ZNF749: variants seen among roughly 807,000 people sequenced by gnomAD.
The protein encoded by ZNF749 is zinc finger protein 749.
ZNF749 carries 8 observed loss-of-function variants against 7.3 expected under a neutral mutation model. The observed-to-expected ratio is 1.10, with a 90% CI of 0.64 to 1.98. The LOEUF is 1.98. Ranked by LOEUF, ZNF749 falls within the 30% of genes most tolerant of loss-of-function variation. The probability of loss-of-function intolerance (pLI) is 0.00; values close to 1 mark genes in which losing one functional copy is unlikely to be tolerated. For synonymous variants in ZNF749, 310 were observed against 322.4 expected, an observed-to-expected ratio of 0.96 and a Z score of 0.41; for missense variants, 898 against 932.4, an observed-to-expected ratio of 0.96 and a Z score of 0.48.
chr19:57,446,594 A>G lies in ZNF749; in HGVS notation c.*1109A>G, dbSNP rs1313024906. On this transcript the variant is annotated 3_prime_UTR_variant, in exon 3 of 3. Transcript: ENST00000334181. ...TATCCATGTTGTAGCATAGCTTATG[A>G]TTTTCATCTTTTTTAAAGGCCGAAT... Among the ~76,000 whole-genome samples, 1 of 152,088 alleles carries G rather than the reference A, an allele frequency of 6.6e-6. No homozygotes were observed. The highest frequency in any genetic ancestry group is 6.5e-5 in the Admixed American group (1 of 15,268).
At position 57,439,509 on chromosome 19, in the gene ZNF749, A is replaced by G. The variant is rs949908666; in HGVS notation, c.16-2376A>G. Among the ~76,000 whole-genome samples the G allele has an allele frequency of 6.6e-6, 1 of 152,146 alleles. No individual in the cohort carries two copies. The highest frequency in any genetic ancestry group is 1.5e-5 in the Non-Finnish European group (1 of 68,024). On this transcript the variant is annotated intron_variant, in intron 1 of 2. Coordinates refer to ENST00000334181, the MANE Select transcript of ZNF749 (RefSeq NM_001023561.4). This position sits in a 1 kb window ranked among gnomAD's most constrained non-coding sequence, Gnocchi z 4.3. ...TTCCAGTGGCCAGGCATGGTGGATC[A>G]CACCTGTAATCCCAGCACTTTGGGA...
rs748345739 is a variant in ZNF749 at position 57,442,054 on chromosome 19, G to GT, written c.142+50dup. 131 of 1,597,532 alleles carry GT rather than the reference G, an allele frequency of 8.2e-5. No individual in the cohort carries two copies. In the East Asian group the frequency reaches 1.4e-3, roughly 17 times the overall value. On this transcript the variant is annotated intron_variant, in intron 2 of 2. Coordinates refer to ENST00000334181, the MANE Select transcript of ZNF749 (RefSeq NM_001023561.4). The surrounding 1 kb of genome is among the most constrained non-coding windows in gnomAD (Gnocchi z 6.6). Reference sequence around the variant, plus strand: ...ACTCTGGTGTCTTGTGCTGGGTGCTGTTTTTTTGCTCTTTTCCATGACAAC... The same window carrying GT: ...ACTCTGGTGTCTTGTGCTGGGTGCTGTTTTTTTTGCTCTTTTCCATGACAAC...
rs1341149371 is a variant in ZNF749 at position 57,435,384 on chromosome 19, T to G, written c.-195T>G. 1.2e-5 allele frequency: 9 copies of G among 776,010 alleles called. No individual in the cohort carries two copies. Among genetic ancestry groups the G allele is most frequent in the Non-Finnish European group, 1.9e-5 (9 of 480,430 alleles). 48.1% of individuals were successfully genotyped at this position (776,010 alleles called of 1,614,324 possible). A position where few individuals can be genotyped will look rare whatever the true frequency, so the allele number is the denominator to read the frequency against. On this transcript the variant is annotated 5_prime_UTR_variant, in exon 1 of 3. Coordinates refer to ENST00000334181, the MANE Select transcript of ZNF749 (RefSeq NM_001023561.4). ...GGCTACCTAGGGATCTGTTCACTGATTTAGAGGGTCCCAGAGCTCTGGGTC... is the reference window on the plus strand; with the variant it reads ...GGCTACCTAGGGATCTGTTCACTGAGTTAGAGGGTCCCAGAGCTCTGGGTC...
intron 1 of ZNF749, 32 bp downstream of exon 1, chr19:57,435,625 A>C (rs371562832): frequency 2.8e-5 from 45 of 1,597,502 alleles, no homozygotes; most frequent in East Asian, 2.5e-4. Flanking sequence ...GCCCCGCCCA[A>C]CCCCTCCTCC....
Position 57,436,465 on chromosome 19 carries a change from C to T in ZNF749, c.15+872C>T, listed in dbSNP as rs183052235. Among the ~76,000 whole-genome samples the T allele has an allele frequency of 6.6e-6, 1 of 152,212 alleles. No individual in the cohort carries two copies. The highest frequency in any genetic ancestry group is 2.4e-5 in the African/African-American group (1 of 41,524). ...TGGTAGGGAGGGCATCTCTGATACT[C>T]CCTGCAGAAGGGAGCAGATATGGGC... On this transcript the variant is annotated intron_variant, in intron 1 of 2. Transcript: ENST00000334181. The surrounding 1 kb of genome is among the most constrained non-coding windows in gnomAD (Gnocchi z 4.0).
chr19:57,435,714 C>T (rs1310736052), intron 1 of ZNF749, 121 bp downstream of exon 1: 6 of 1,480,450 alleles, frequency 4.1e-6, no homozygotes, highest in South Asian at 1.3e-5. Context: ...GTGTGGGGTG[C>T]CCGGGACTGG....
upstream of ZNF749, among the ~76,000 whole-genome samples, chr19:57,431,992 T>C (rs1354354935): frequency 6.6e-6 from 1 of 152,056 alleles, no homozygotes; most frequent in Non-Finnish European, 1.5e-5. Context: ...TTTTGTATTT[T>C]TTAGTAAAGA....
At position 57,444,140 on chromosome 19, in the gene ZNF749, G is replaced by A. The variant is rs777465429; in HGVS notation, c.992G>A (p.Cys331Tyr). The change falls in exon 3 of 3, where the codon TGT becomes TAT. Residue 331 changes from cysteine to tyrosine, a missense_variant. Coordinates refer to ENST00000334181, the MANE Select transcript of ZNF749 (RefSeq NM_001023561.4). Reference protein sequence around the residue: ...TGEQPYECNKCGKFFMYNSKL... With the variant: ...TGEQPYECNKYGKFFMYNSKL... ...GAACAGCCCTATGAATGCAACAAGT[G>A]TGGGAAGTTTTTTATGTATAACTCC... The A allele has an allele frequency of 2.5e-5, 40 of 1,614,016 alleles. No individual in the cohort carries two copies. Among genetic ancestry groups the A allele is most frequent in the East Asian group, 1.3e-4 (6 of 44,846 alleles).
rs970435949 is a variant in ZNF749, at chr19:57,445,207, C to T, written c.2059C>T (p.His687Tyr). 1.2e-5 allele frequency: 20 copies of T among 1,613,928 alleles called. No homozygotes were observed. The highest frequency in any genetic ancestry group is 1.7e-5 in the Non-Finnish European group (20 of 1,179,964). ...LRYRSTFIKHHKVCTGEKPHE... is the reference protein window; with the variant it reads ...LRYRSTFIKHYKVCTGEKPHE... The stretch of plus-strand genomic sequence containing the variant: ...ATACCGCTCTACATTCATTAAACAT[C>T]ATAAAGTTTGCACTGGGGAGAAGCC... The change falls in exon 3 of 3, where the codon CAT (histidine) becomes TAT (tyrosine). Residue 687 changes from histidine (H) to tyrosine (Y), a missense_variant. By Grantham distance (83) the His-to-Tyr change is moderately conservative. Transcript: ENST00000334181.
chr19:57,435,661 C>A, intron 1 of ZNF749, 68 bp downstream of exon 1: 1 of 1,568,844 alleles, frequency 6.4e-7, no homozygotes, highest in Non-Finnish European at 8.6e-7. Context: ...AAGGAGCCGC[C>A]CTGCAGGTTA....
At chr19:57,435,661 C>T (rs996024959) in intron 1 of ZNF749, 68 bp downstream of exon 1, 2 of 1,568,726 alleles carry the variant, frequency 1.3e-6, no homozygotes, top group African/African-American at 2.7e-5. Context: ...AAGGAGCCGC[C>T]CTGCAGGTTA....
chr19:57,443,455 G>T lies in ZNF749; in HGVS notation c.307G>T (p.Asp103Tyr). The change falls in exon 3 of 3, where the codon GAT (aspartate) becomes TAT (tyrosine). Residue 103 changes from aspartate (D) to tyrosine (Y), a missense_variant. Transcript: ENST00000334181. The stretch of plus-strand genomic sequence containing the variant: ...GGACATTCTGCACCTGGCTGAGCAC[G>T]ATGGAACACACCCTGAGCAAGGGCT... ...LKDILHLAEH[D>Y]GTHPEQGLYT... 4 of 1,614,242 alleles carry T rather than the reference G, an allele frequency of 2.5e-6. No homozygotes were observed. Among genetic ancestry groups the T allele is most frequent in the Non-Finnish European group, 3.4e-6 (4 of 1,180,036 alleles).
At chr19:57,434,175 G>A (rs1438219805), upstream of ZNF749, among the ~76,000 whole-genome samples, 1 of 152,132 alleles carries the variant, frequency 6.6e-6, no homozygotes, top group Non-Finnish European at 1.5e-5. Flanking sequence ...TCGGCTCACC[G>A]TAACCTCCGC....
intron 1 of ZNF749, 105 bp from the exon 2 acceptor site, chr19:57,441,780 G>A: frequency 2.2e-6 from 3 of 1,373,694 alleles, no homozygotes; most frequent in South Asian, 1.2e-5. Flanking sequence ...AACATTGGCT[G>A]TTAGTTTGGC....
Position 57,439,766 on chromosome 19 carries a change from C to G in ZNF749, c.16-2119C>G, listed in dbSNP as rs1262705377. ...AGTAAGACAAACAAAAACAAAAATC[C>G]AAGCCAAAACAAAAACAAAAATACA... is the stretch of plus-strand genomic sequence containing the variant. On this transcript the variant is annotated intron_variant, in intron 1 of 2. Transcript: ENST00000334181. The surrounding 1 kb of genome is among the most constrained non-coding windows in gnomAD (Gnocchi z 4.3). Among the ~76,000 whole-genome samples the G allele has an allele frequency of 6.6e-6, 1 of 152,098 alleles. No individual in the cohort carries two copies. Among genetic ancestry groups the G allele is most frequent in the Non-Finnish European group, 1.5e-5 (1 of 68,014 alleles).
Position 57,444,625 on chromosome 19 carries a change from C to T in ZNF749, c.1477C>T (p.Leu493Phe), listed in dbSNP as rs372892921. 1.2e-4 allele frequency: 190 copies of T among 1,611,550 alleles called. No homozygotes were observed. The highest frequency in any genetic ancestry group is 1.6e-4 in the Non-Finnish European group (184 of 1,179,480). The part of the protein sequence containing the change: ...YTCSECGKAF[L>F]TQAHLVGHQK... ...ATGCAGTGAATGTGGGAAGGCCTTC[C>T]TTACACAGGCTCATCTGGTTGGTCA... Residue 493 changes from leucine (L) to phenylalanine (F), a missense_variant, in exon 3 of 3, where the codon CTT becomes TTT. By Grantham distance (22) the Leu-to-Phe change is conservative. Transcript: ENST00000334181.
chr19:57,432,205 C>A (rs1196569835), upstream of ZNF749, among the ~76,000 whole-genome samples: 1 of 150,938 alleles, frequency 6.6e-6, no homozygotes, highest in Non-Finnish European at 1.5e-5. Context: ...TAAACTGTTA[C>A]ATATAAGATA....
In ZNF749 at chr19:57,439,602, TAATA is replaced by T. The variant is rs1157763914; in HGVS notation, c.16-2278_16-2275del. Among the ~76,000 whole-genome samples, 1 of 151,320 alleles carries T rather than the reference TAATA, an allele frequency of 6.6e-6. No homozygotes were observed. Among genetic ancestry groups the T allele is most frequent in the Non-Finnish European group, 1.5e-5 (1 of 67,838 alleles). Reference sequence around the variant, plus strand: ...AGGGAGACTCTGTCCCTACAAATAATAATAAATAGCTGGGTGTGGTGGCGTCTCT... The same window carrying T: ...AGGGAGACTCTGTCCCTACAAATAATAATAGCTGGGTGTGGTGGCGTCTCT... On this transcript the variant is annotated intron_variant, in intron 1 of 2. Transcript: ENST00000334181. This position sits in a 1 kb window ranked among gnomAD's most constrained non-coding sequence, Gnocchi z 4.3.
At position 57,443,899 on chromosome 19, in the gene ZNF749, C is replaced by T; in HGVS notation, c.751C>T (p.Pro251Ser). 6.2e-7 allele frequency: 1 copy of T among 1,613,862 alleles called. No homozygotes were observed. The highest frequency in any genetic ancestry group is 8.5e-7 in the Non-Finnish European group (1 of 1,179,902). The change falls in exon 3 of 3, where the codon CCT becomes TCT. Residue 251 changes from proline (P) to serine (S), a missense_variant. Physicochemically the swap from Pro to Ser is moderately conservative, Grantham distance 74 (BLOSUM62 -1). Coordinates refer to ENST00000334181, the MANE Select transcript of ZNF749 (RefSeq NM_001023561.4). ...TCAGCAAAATCATGCTGGAGAAAGG[C>T]CTTATGAGGGCACTGAATATGGAAA... ...KYQQNHAGER[P>S]YEGTEYGKTF...
Sources: gnomAD v4.1 joint callset for allele counts (sites outside exome capture counted in the v4.1 genomes callset) on GRCh38, gnomAD v4.1.1 for gene constraint, Gnocchi (gnomAD v3.1) non-coding constraint, MANE v1.5 for transcripts, NCBI Gene and HGNC (gene_info 2026-07-23, HGNC 2026-07-21) for gene names.